SPACA1: variants seen among roughly 807,000 people sequenced by gnomAD.
SPACA1 encodes the protein sperm acrosome membrane-associated protein 1.
Under a neutral mutation model 32.6 loss-of-function variants are expected in SPACA1, and 17 were observed. That is an observed-to-expected ratio of 0.52 (90% CI 0.36 to 0.78). The LOEUF is 0.78. Among genes scored for constraint, SPACA1 ranks in the 30% least tolerant of loss-of-function variants. SPACA1 has a pLI of 0.01. For missense variants in SPACA1, 363 were observed against 373.4 expected, an observed-to-expected ratio of 0.97 and a Z score of 0.23; for synonymous variants, 140 against 138.1, an observed-to-expected ratio of 1.01 and a Z score of -0.10.
intron 1 of SPACA1, among the ~76,000 whole-genome samples, chr6:88,049,913 T>G (rs922814695): frequency 6.6e-6 from 1 of 152,332 alleles, no homozygotes; most frequent in Admixed American, 6.5e-5. Context: ...CTTTTTGCAC[T>G]TGTATTGTCA....
intron 5 of SPACA1, among the ~76,000 whole-genome samples, chr6:88,059,997 A>G (rs1282860526): frequency 8.5e-5 from 13 of 152,204 alleles, no homozygotes; most frequent in African/African-American, 3.1e-4. Context: ...ATGCTTATGA[A>G]AATTTTCATT....
intron 5 of SPACA1, among the ~76,000 whole-genome samples, chr6:88,063,596 T>C (rs1562480996): frequency 6.6e-6 from 1 of 152,160 alleles, no homozygotes; most frequent in Non-Finnish European, 1.5e-5. Context: ...TGGGGTATAG[T>C]AATATTCTAT....
At chr6:88,052,932 GA>G (rs529983919) in intron 1 of SPACA1, among the ~76,000 whole-genome samples, 132 of 152,178 alleles carry the variant, frequency 8.7e-4, no homozygotes, top group East Asian at 4.4e-3. Context: ...CAAAATAGGG[GA>G]AAAAAACATT....
intron 5 of SPACA1, among the ~76,000 whole-genome samples, chr6:88,062,130 T>A (rs1268390155): frequency 6.6e-6 from 1 of 152,166 alleles, no homozygotes; most frequent in Non-Finnish European, 1.5e-5. Flanking sequence ...GGAACGTAAA[T>A]ATAGATGTAT....
At chr6:88,053,860 C>A in intron 1 of SPACA1, 86 bp from the exon 2 acceptor site, 2 of 1,105,454 alleles carry the variant, frequency 1.8e-6, no homozygotes, top group Non-Finnish European at 2.7e-6. Context: ...ATATCATACA[C>A]ATGTCTTTCA....
At chr6:88,058,926 C>A in intron 4 of SPACA1, 104 bp downstream of exon 4, 1 of 683,280 alleles carries the variant, frequency 1.5e-6, no homozygotes, top group Non-Finnish European at 2.3e-6. Flanking sequence ...AGCAGTTTGC[C>A]AAAACGAAGT....
chr6:88,050,206 G>A (rs1406778773), intron 1 of SPACA1, among the ~76,000 whole-genome samples: 2 of 152,144 alleles, frequency 1.3e-5, no homozygotes, highest in African/African-American at 4.8e-5. Flanking sequence ...TCCTTTTAGC[G>A]AAACAGTATG....
At chr6:88,050,984 A>G (rs1775719286) in intron 1 of SPACA1, among the ~76,000 whole-genome samples, 1 of 152,086 alleles carries the variant, frequency 6.6e-6, no homozygotes, top group Non-Finnish European at 1.5e-5. Context: ...CATCTCTACT[A>G]AAAATACAAA....
chr6:88,050,821 T>C (rs1775716368), intron 1 of SPACA1, among the ~76,000 whole-genome samples: 1 of 152,250 alleles, frequency 6.6e-6, no homozygotes, highest in Non-Finnish European at 1.5e-5. Flanking sequence ...TGATGAAATA[T>C]CACAATGTTT....
intron 1 of SPACA1, 125 bp downstream of exon 1, chr6:88,048,238 C>A: frequency 9.6e-7 from 1 of 1,042,518 alleles, no homozygotes; most frequent in Non-Finnish European, 1.4e-6. Flanking sequence ...CATACTTCAG[C>A]CCCGAGTTTG....
At chr6:88,053,407 G>A (rs806432) in intron 1 of SPACA1, among the ~76,000 whole-genome samples, 103,311 of 152,130 alleles carry the variant, frequency 0.68, 35,376 homozygotes, top group East Asian at 0.8. Flanking sequence ...CTTAAATAGT[G>A]ATATATTCCT....
chr6:88,052,091 A>T (rs1775735785), intron 1 of SPACA1, among the ~76,000 whole-genome samples: 1 of 152,272 alleles, frequency 6.6e-6, no homozygotes, highest in Non-Finnish European at 1.5e-5. Context: ...GTCCAGTTAC[A>T]TACAATTCCA....
intron 1 of SPACA1, among the ~76,000 whole-genome samples, chr6:88,051,907 C>T (rs969814563): frequency 6.6e-6 from 1 of 152,198 alleles, no homozygotes; most frequent in Non-Finnish European, 1.5e-5. Context: ...AAATGTTGAA[C>T]AGGACAGAGC....
At chr6:88,057,506 C>A in intron 2 of SPACA1, 106 bp from the exon 3 acceptor site, 1 of 692,522 alleles carries the variant, frequency 1.4e-6, no homozygotes, top group South Asian at 2.4e-5. Context: ...AACTTAATTT[C>A]TGAAATTAGA....
intron 1 of SPACA1, among the ~76,000 whole-genome samples, chr6:88,048,668 C>T (rs528449301): frequency 6.6e-6 from 1 of 152,278 alleles, no homozygotes; most frequent in African/African-American, 2.4e-5. Context: ...TGTGCGGCCT[C>T]GGACAAAGGA....
chr6:88,066,082 C>T (rs1775979749), intron 6 of SPACA1, 100 bp from the exon 7 acceptor site: 2 of 913,796 alleles, frequency 2.2e-6, no homozygotes, highest in African/African-American at 1.7e-5. Flanking sequence ...AATACACACA[C>T]ACACATATAT....
chr6:88,051,940 A>AT (rs1287420244), intron 1 of SPACA1, among the ~76,000 whole-genome samples: 1 of 152,234 alleles, frequency 6.6e-6, no homozygotes, highest in Non-Finnish European at 1.5e-5. Flanking sequence ...CACTCCTACC[A>AT]TGTTGACACC....
chr6:88,060,916 C>T (rs1266493293), intron 5 of SPACA1, among the ~76,000 whole-genome samples: 1 of 152,188 alleles, frequency 6.6e-6, no homozygotes, highest in Non-Finnish European at 1.5e-5. Flanking sequence ...TTTATTGAGA[C>T]AAAGTTAACT....
At chr6:88,051,036 A>G (rs766447982) in intron 1 of SPACA1, among the ~76,000 whole-genome samples, 23 of 152,066 alleles carry the variant, frequency 1.5e-4, no homozygotes, top group Non-Finnish European at 2.9e-5. Context: ...AGTTCCAGCT[A>G]CTCAGGAGGC....
Sources: gnomAD v4.1 joint callset for allele counts (sites outside exome capture counted in the v4.1 genomes callset) on GRCh38, gnomAD v4.1.1 for gene constraint, MANE v1.5 for transcripts, NCBI Gene and HGNC (gene_info 2026-07-23, HGNC 2026-07-21) for gene names.